TK1: variants seen among roughly 807,000 people sequenced by gnomAD.
TK1 encodes the protein thymidine kinase 1.
A neutral mutation model predicts 22.4 loss-of-function variants in TK1; 13 were observed. That is an observed-to-expected ratio of 0.58 (90% CI 0.38 to 0.92). TK1 has a LOEUF of 0.92. Among genes scored for constraint, TK1 ranks in the 40% least tolerant of loss-of-function variants. The probability of loss-of-function intolerance (pLI) is 0.00; values close to 1 mark genes in which losing one functional copy is unlikely to be tolerated. For synonymous variants in TK1, 134 were observed against 125.4 expected (o/e 1.07, Z -0.46); for missense variants, 251 against 315.7 (o/e 0.80, Z 1.55).
At position 78,174,348 on chromosome 17, in the gene TK1, C is replaced by T. The variant is rs140893215; in HGVS notation, c.*411G>A. On this transcript the variant is annotated 3_prime_UTR_variant, in exon 7 of 7. Coordinates refer to ENST00000301634, the MANE Select transcript of TK1 (RefSeq NM_003258.5). ...CCCATCCCAGGCAGAGAGGCCTAAG[C>T]CTCAGTGTGGGCCAAGGCTCAAAGG... 2 of 178,246 alleles carry T rather than the reference C, an allele frequency of 1.1e-5. No individual in the cohort carries two copies. The highest frequency in any genetic ancestry group is 2.4e-5 in the Non-Finnish European group (2 of 85,082). The allele number at this position is 178,246 out of a possible 1,614,324, so 11.0% of individuals were successfully genotyped here. A position where few individuals can be genotyped will look rare whatever the true frequency, so the allele number is the denominator to read the frequency against.
At chr17:78,175,314 G>A (rs746296728) in intron 5 of TK1, 145 bp from the exon 6 acceptor site, 38 of 1,287,620 alleles carry the variant, frequency 3.0e-5, no homozygotes, top group Non-Finnish European at 3.9e-5. Flanking sequence ...ACCATGCCCG[G>A]CTCTGTCCCT....
intron 4 of TK1, among the ~76,000 whole-genome samples, chr17:78,176,101 G>T (rs542192183): frequency 6.6e-6 from 1 of 152,182 alleles, no homozygotes; most frequent in Non-Finnish European, 1.5e-5. Flanking sequence ...ATAGGTGGGC[G>T]CTTTGTGCTC....
Position 78,174,841 on chromosome 17 carries a change from A to C in TK1, c.623T>G (p.Val208Gly). ...CACGGCTTCCCCTGGCTTTCCTGGC[A>C]CTGGGCAGTTCTCTTTGTTGTCCGG... Reference protein sequence around the residue: ...AGPDNKENCPVPGKPGEAVAA... With the variant: ...AGPDNKENCPGPGKPGEAVAA... The change falls in exon 7 of 7, where the codon GTG becomes GGG. Residue 208 changes from valine (V) to glycine (G), a missense_variant. By Grantham distance (109) the Val-to-Gly change is moderately radical (BLOSUM62 -3). Transcript: ENST00000301634. 1 of 1,613,638 alleles carries C rather than the reference A, an allele frequency of 6.2e-7. No individual in the cohort carries two copies. The highest frequency in any genetic ancestry group is 8.5e-7 in the Non-Finnish European group (1 of 1,179,748).
At chr17:78,186,749 G>A in intron 2 of TK1, 38 bp downstream of exon 2, 1 of 1,566,304 alleles carries the variant, frequency 6.4e-7, no homozygotes, top group Non-Finnish European at 8.6e-7. Context: ...CCCCGGAGAA[G>A]AGGAAGGAGC....
chr17:78,186,825 GAGA>G lies in TK1; in HGVS notation c.67-10_67-8del. The G allele has an allele frequency of 1.3e-6, 2 of 1,581,406 alleles. No homozygotes were observed. The highest frequency in any genetic ancestry group is 8.6e-7 in the Non-Finnish European group (1 of 1,164,054). Reference sequence around the variant, plus strand: ...ACATCGGCCCGAGAATCACCTAGGAGAGAAGGTGAGGTCATTTGAGGGCCCGCC... The same window carrying G: ...ACATCGGCCCGAGAATCACCTAGGAGAGGTGAGGTCATTTGAGGGCCCGCC... On this transcript the variant is annotated splice_region_variant and splice_polypyrimidine_tract_variant and intron_variant, in intron 1 of 6. Coordinates refer to ENST00000301634, the MANE Select transcript of TK1 (RefSeq NM_003258.5).
chr17:78,186,938 C>A lies in TK1; in HGVS notation c.57G>T (p.Gly19=). The A allele has an allele frequency of 1.9e-6, 3 of 1,570,418 alleles. No individual in the cohort carries two copies. The highest frequency in any genetic ancestry group is 1.2e-5 in the South Asian group (1 of 85,674). ...GGGCTGGCCCCCGCACCTGGATCTG[C>A]CCCCGGGTCTTGCTGGGGGAGCCAG... ...VLPGSPSKTR[G]QIQVILGPMF... is the part of the protein sequence containing the mutation. Residue 19 remains glycine (G), a synonymous_variant, in exon 1 of 7, where the codon GGG becomes GGT. Transcript: ENST00000301634.
chr17:78,178,547 A>G (rs1008535451), intron 4 of TK1, among the ~76,000 whole-genome samples: 4 of 152,312 alleles, frequency 2.6e-5, no homozygotes, highest in Admixed American at 2.6e-4. Context: ...GTAGACAATG[A>G]AGGAGCGAAG....
chr17:78,176,108 G>A (rs1344857138), intron 4 of TK1, among the ~76,000 whole-genome samples: 3 of 152,214 alleles, frequency 2.0e-5, no homozygotes, highest in African/African-American at 7.2e-5. Context: ...GGCGCTTTGT[G>A]CTCTTGCCTC....
chr17:78,182,701 A>AG lies in TK1; in HGVS notation c.210-20dup. The AG allele has an allele frequency of 1.3e-6, 2 of 1,543,992 alleles. No individual in the cohort carries two copies. The highest frequency in any genetic ancestry group is 2.4e-5 in the South Asian group (2 of 84,002). ...GGTGTTCCTGGGAAGAGAAAGCCAG[A>AG]GCGTGAGCAGGGCCAGGGAGGCCAG... On this transcript the variant is annotated intron_variant, in intron 3 of 6. Coordinates refer to ENST00000301634, the MANE Select transcript of TK1 (RefSeq NM_003258.5).
chr17:78,179,669 G>C, intron 4 of TK1: 2 of 985,464 alleles, frequency 2.0e-6, no homozygotes, highest in East Asian at 1.1e-4. Context: ...GTCCGGGCAG[G>C]GTATTCAGGC....
intron 4 of TK1, among the ~76,000 whole-genome samples, chr17:78,178,823 T>A (rs2075719273): frequency 6.6e-6 from 1 of 152,156 alleles, no homozygotes; most frequent in Non-Finnish European, 1.5e-5. Context: ...TTTTGTATTT[T>A]TAGTAGAGAC....
chr17:78,185,030 A>G, intron 3 of TK1, 25 bp downstream of exon 3: 1 of 1,587,038 alleles, frequency 6.3e-7, no homozygotes, highest in Non-Finnish European at 8.7e-7. Flanking sequence ...TCCACTGGAC[A>G]GGACTGCAGG....
chr17:78,181,260 T>A (rs2613511), intron 4 of TK1, among the ~76,000 whole-genome samples: 90,667 of 151,076 alleles, frequency 0.6, 29,263 homozygotes, highest in African/African-American at 0.85. Flanking sequence ...AAATAAAAAT[T>A]AAAAAGGCCG....
At position 78,187,051 on chromosome 17, in the gene TK1, C is replaced by T. The variant is rs747618818; in HGVS notation, c.-57G>A. The T allele has an allele frequency of 5.8e-6, 9 of 1,548,150 alleles. No homozygotes were observed. Among genetic ancestry groups the T allele is most frequent in the African/African-American group, 4.1e-5 (3 of 73,076 alleles). On this transcript the variant is annotated 5_prime_UTR_variant, in exon 1 of 7. Coordinates refer to ENST00000301634, the MANE Select transcript of TK1 (RefSeq NM_003258.5). ...CTCTCCAAGGCCGTCCCGCAGTAAG[C>T]CCCTGGTTCCCGCGCCGACCGCTTT...
At chr17:78,176,610 C>A (rs12452081) in intron 4 of TK1, among the ~76,000 whole-genome samples, 1 of 152,030 alleles carries the variant, frequency 6.6e-6, no homozygotes, top group Non-Finnish European at 1.5e-5. Context: ...GCCAGGGCCC[C>A]TCCCCACCAT....
Position 78,175,113 on chromosome 17 carries a change from C to T in TK1, c.450G>A (p.Thr150=), listed in dbSNP as rs572474600. Residue 150 remains threonine, a synonymous_variant, in exon 6 of 7, where the codon ACG becomes ACA. Transcript: ENST00000301634. ...VPLAESVVKL[T]AVCMECFREA... ...CCCGGAAGCACTCCATGCACACCGC[C>T]GTCAGCTTCACCACGCTCTCGGCCA... The T allele has an allele frequency of 2.7e-5, 44 of 1,613,398 alleles. 1 individual carries two copies. In the South Asian group the frequency reaches 3.5e-4, roughly 13 times the overall value.
upstream of TK1, chr17:78,187,142 G>T (rs2075815363): frequency 3.0e-6 from 3 of 992,786 alleles, no homozygotes; most frequent in East Asian, 2.6e-5. Context: ...GCGCCCGGCC[G>T]CTGACCTGGC....
At chr17:78,185,890 C>A (rs1001351504) in intron 2 of TK1, among the ~76,000 whole-genome samples, 1 of 152,162 alleles carries the variant, frequency 6.6e-6, no homozygotes, top group African/African-American at 2.4e-5. Context: ...GCACTTGCTT[C>A]TGGGTCCAAG....
rs1447494792 is a variant in TK1, at chr17:78,187,022, AG to A, written c.-29del. ...CGCCTCCGGGAAGTTCACGAACCCG[AG>A]TACTCTCCAAGGCCGTCCCGCAGTA... is the stretch of plus-strand genomic sequence containing the variant. On this transcript the variant is annotated 5_prime_UTR_variant, in exon 1 of 7. Coordinates refer to ENST00000301634, the MANE Select transcript of TK1 (RefSeq NM_003258.5). The A allele has an allele frequency of 5.0e-6, 8 of 1,588,712 alleles. No homozygotes were observed. The highest frequency in any genetic ancestry group is 5.1e-6 in the Non-Finnish European group (6 of 1,167,732).
Sources: allele counts gnomAD v4.1 joint callset (sites outside exome capture counted in the v4.1 genomes callset), GRCh38; gene constraint gnomAD v4.1.1; transcripts MANE v1.5; gene names NCBI Gene and HGNC (gene_info 2026-07-23, HGNC 2026-07-21).